ARAP2: variants seen among roughly 807,000 people sequenced by gnomAD.
The protein encoded by ARAP2 is arf-GAP with Rho-GAP domain, ANK repeat and PH domain-containing protein 2.
Under a neutral mutation model 194.5 loss-of-function variants are expected in ARAP2, and 148 were observed. That is an observed-to-expected ratio of 0.76 (90% confidence interval 0.67 to 0.87). ARAP2 has a LOEUF of 0.87. Ranked by LOEUF, ARAP2 falls within the 40% of genes least tolerant of loss-of-function variation. The pLI, the probability that ARAP2 is intolerant of heterozygous loss-of-function variation, is 0.00. For missense variants in ARAP2, 2,128 were observed against 1,989.7 expected (o/e 1.07, Z -1.32); for synonymous variants, 695 against 683.5 (o/e 1.02, Z -0.26).
At chr4:36,045,565 T>A (rs964335133) in intron 5 of ARAP2, among the ~76,000 whole-genome samples, 7 of 152,098 alleles carry the variant, frequency 4.6e-5, no homozygotes, top group Non-Finnish European at 1.0e-4. Flanking sequence ...AAAGAGGAAA[T>A]GTGAGACAAA....
intron 5 of ARAP2, among the ~76,000 whole-genome samples, chr4:36,042,839 T>TC (rs200905403): frequency 0.05 from 2,637 of 52,636 alleles, 87 homozygotes; most frequent in African/African-American, 0.11. Context: ...AAATGCGTTT[T>TC]TTTCTTCTTT....
chr4:36,109,142 A>G (rs1274113800), intron 26 of ARAP2, among the ~76,000 whole-genome samples: 1 of 151,980 alleles, frequency 6.6e-6, no homozygotes, highest in Non-Finnish European at 1.5e-5. Context: ...GAAGTCATCA[A>G]CAATTCCTAG....
chr4:36,236,765 C>T (rs887477347), intron 1 of ARAP2, among the ~76,000 whole-genome samples: 2 of 152,174 alleles, frequency 1.3e-5, no homozygotes, highest in Non-Finnish European at 2.9e-5. Context: ...TGACAAAATG[C>T]TTTTGCTGGT....
At chr4:36,101,856 GAC>G (rs1192696281) in intron 27 of ARAP2, among the ~76,000 whole-genome samples, 1 of 151,926 alleles carries the variant, frequency 6.6e-6, no homozygotes, top group Admixed American at 6.6e-5. Flanking sequence ...TGATTACCAT[GAC>G]CACCATCACT....
intron 19 of ARAP2, among the ~76,000 whole-genome samples, chr4:36,141,664 A>G (rs186248673): frequency 6.6e-6 from 1 of 151,848 alleles, no homozygotes; most frequent in Non-Finnish European, 1.5e-5. Context: ...TCAAAGGTAG[A>G]TAAGAACAGG....
chr4:36,158,592 G>T, intron 15 of ARAP2, 138 bp downstream of exon 15: 1 of 726,074 alleles, frequency 1.4e-6, no homozygotes, highest in Non-Finnish European at 2.2e-6. Context: ...GCACCTAGAA[G>T]CATTTATAAA....
In ARAP2 at chr4:36,127,887, G is replaced by C. The variant is rs192303541; in HGVS notation, c.3640+646C>G. The stretch of plus-strand genomic sequence containing the variant: ...AATGAAAGGCAATGCTTATATTTAA[G>C]TCTTTGTTATTGTAATGTTTCAATA... On this transcript the variant is annotated intron_variant, in intron 21 of 32. Coordinates refer to ENST00000303965, the MANE Select transcript of ARAP2 (RefSeq NM_015230.4). Among the ~76,000 whole-genome samples the C allele has an allele frequency of 2.0e-5, 3 of 151,988 alleles. No homozygotes were observed. The East Asian group carries it at 5.8e-4, about 30-fold the overall frequency.
rs1725823993 is a variant in ARAP2, at chr4:36,133,142, C to T, written c.3427+84G>A. 3 of 1,357,426 alleles carry T rather than the reference C, an allele frequency of 2.2e-6. No individual in the cohort carries two copies. The East Asian group carries it at 7.2e-5, about 33-fold the overall frequency. The allele number at this position is 1,357,426 out of a possible 1,614,324, so 84.1% of individuals were successfully genotyped here. On this transcript the variant is annotated intron_variant, in intron 20 of 32. Coordinates refer to ENST00000303965, the MANE Select transcript of ARAP2 (RefSeq NM_015230.4). ...CTTACAAATATAAAGGGTTTTAACT[C>T]AGTCCAATAGAGGTACCACTTAAAA...
chr4:36,109,525 A>G lies in ARAP2; in HGVS notation c.4157-1832T>C, dbSNP rs1719289661. ...AAAGCCAGATAAAATCTTTTGTGCT[A>G]TGTCAATATTACTTTTCTTCAAATA... On this transcript the variant is annotated intron_variant, in intron 26 of 32. Coordinates refer to ENST00000303965, the MANE Select transcript of ARAP2 (RefSeq NM_015230.4). Among the ~76,000 whole-genome samples the G allele has an allele frequency of 2.6e-5, 4 of 151,944 alleles. No individual in the cohort carries two copies. In the South Asian group the frequency reaches 8.3e-4, roughly 31 times the overall value.
chr4:36,103,512 A>G (rs1717582553), intron 27 of ARAP2, among the ~76,000 whole-genome samples: 2 of 151,646 alleles, frequency 1.3e-5, no homozygotes, highest in Non-Finnish European at 3.0e-5. Flanking sequence ...CACTGTCTAA[A>G]TAGCAATGTA....
chr4:36,243,491 T>C (rs1323002464), intron 1 of ARAP2: 1 of 151,750 alleles, frequency 6.6e-6, no homozygotes, highest in Non-Finnish European at 1.5e-5. Flanking sequence ...TGTTTTCCTC[T>C]AATTATCAAA....
Position 36,210,461 on chromosome 4 carries a change from G to A in ARAP2, c.1416C>T (p.Pro472=), listed in dbSNP as rs368468123. The A allele has an allele frequency of 1.4e-5, 22 of 1,613,794 alleles. No individual in the cohort carries two copies. In the East Asian group the frequency reaches 3.1e-4, roughly 23 times the overall value. The change falls in exon 6 of 33, where the codon CCC becomes CCT. Residue 472 remains proline (P), a synonymous_variant. Transcript: ENST00000303965. The stretch of plus-strand genomic sequence containing the variant: ...CAGATGCTCCATAAAAGCAGGCATA[G>A]GGAGATATTGCCTGTGAAGAAACGG... ...SSAVSSQAIS[P]YACFYGASAK...
intron 27 of ARAP2, among the ~76,000 whole-genome samples, chr4:36,096,022 A>C (rs1715067380): frequency 6.6e-6 from 1 of 152,228 alleles, no homozygotes. Flanking sequence ...AGAACTTTAA[A>C]TATCCATGCA....
chr4:36,226,272 A>C (rs931578339), intron 2 of ARAP2, among the ~76,000 whole-genome samples: 2 of 152,214 alleles, frequency 1.3e-5, no homozygotes, highest in Non-Finnish European at 2.9e-5. Flanking sequence ...TATGATACAA[A>C]GCTTACAACA....
chr4:36,235,478 C>T (rs568938736), intron 1 of ARAP2, among the ~76,000 whole-genome samples: 1 of 152,338 alleles, frequency 6.6e-6, no homozygotes, highest in African/African-American at 2.4e-5. Context: ...CAAATGCGCC[C>T]TCTTCAGATA....
rs1185067882 is a variant in ARAP2 at position 36,212,416 on chromosome 4, G to A, written c.1113C>T (p.Asn371=). The A allele has an allele frequency of 1.2e-6, 2 of 1,611,746 alleles. No homozygotes were observed. Among genetic ancestry groups the A allele is most frequent in the Admixed American group, 1.7e-5 (1 of 59,918 alleles). The change falls in exon 5 of 33, where the codon AAC becomes AAT. Residue 371 remains asparagine, a synonymous_variant. Transcript: ENST00000303965. ...CATACCTTGATTTGATGATAAAAGAGTTTGTTGCAGTAGCTGCTTCCCCTT... is the reference window on the plus strand; with the variant it reads ...CATACCTTGATTTGATGATAAAAGAATTTGTTGCAGTAGCTGCTTCCCCTT... ...ALKGEAATAT[N]SFIIKSSIYD...
chr4:36,133,369 TG>T lies in ARAP2; in HGVS notation c.3283del (p.His1095IlefsTer37), dbSNP rs763647642. 6.2e-7 allele frequency: 1 copy of T among 1,610,712 alleles called. No homozygotes were observed. Among genetic ancestry groups the T allele is most frequent in the Non-Finnish European group, 8.5e-7 (1 of 1,177,920 alleles). ...CCAGACTGTGAAATCCAACTTGGTA[TG>T]CCCATGGATGTATAATGTTCTGTAA... ...EKGRTLYIHG[H>X]TKLDFTVWHT... On this transcript the variant is annotated frameshift_variant, in exon 20 of 33. Transcript: ENST00000303965. LOFTEE classifies it high-confidence loss of function.
chr4:36,037,703 T>C (rs1407575203), intron 5 of ARAP2, among the ~76,000 whole-genome samples: 1 of 152,108 alleles, frequency 6.6e-6, no homozygotes, highest in Non-Finnish European at 1.5e-5. Context: ...CCTCGTGGAC[T>C]GTTTTTGGTT....
chr4:36,234,529 G>A (rs563755129), intron 1 of ARAP2, among the ~76,000 whole-genome samples: 2 of 152,302 alleles, frequency 1.3e-5, no homozygotes, highest in African/African-American at 4.8e-5. Flanking sequence ...ATATTCTGCT[G>A]TTCCATAGAT....
Sources: allele counts gnomAD v4.1 joint callset (sites outside exome capture counted in the v4.1 genomes callset), GRCh38; gene constraint gnomAD v4.1.1; transcripts MANE v1.5; gene names NCBI Gene and HGNC (gene_info 2026-07-23, HGNC 2026-07-21).